LRBA: variants seen among roughly 807,000 people sequenced by gnomAD.
LRBA encodes lipopolysaccharide-responsive and beige-like anchor protein.
In LRBA, 176 loss-of-function variants were observed where a neutral mutation model predicts 330.0. The observed-to-expected ratio is 0.53, with a 90% confidence interval of 0.47 to 0.60. LRBA has a LOEUF of 0.60. LRBA is among the 20% of genes least tolerant of loss of function. LRBA has a pLI of 0.00. For synonymous variants in LRBA, 1,230 were observed against 1,193.0 expected (o/e 1.03, Z -0.64); for missense variants, 3,259 against 3,444.8 (o/e 0.95, Z 1.35).
At chr4:150,736,233 A>T (rs1391567305) in intron 35 of LRBA, among the ~76,000 whole-genome samples, 1 of 152,228 alleles carries the variant, frequency 6.6e-6, no homozygotes, top group Non-Finnish European at 1.5e-5. Flanking sequence ...CTAAAGGAAG[A>T]TAATATCATA....
chr4:150,525,645 A>C (rs1485681269), intron 40 of LRBA, among the ~76,000 whole-genome samples: 3 of 152,162 alleles, frequency 2.0e-5, no homozygotes, highest in African/African-American at 7.2e-5. Context: ...GGCTTGAAAA[A>C]CCAGCATCCA....
intron 2 of LRBA, among the ~76,000 whole-genome samples, chr4:150,963,964 G>C (rs1738543558): frequency 6.7e-6 from 1 of 148,286 alleles, no homozygotes; most frequent in Admixed American, 6.6e-5. Context: ...CCCCGTCTGG[G>C]AACTGAGGAG....
At chr4:150,966,854 G>T (rs1428461134) in intron 2 of LRBA, among the ~76,000 whole-genome samples, 1 of 152,136 alleles carries the variant, frequency 6.6e-6, no homozygotes, top group African/African-American at 2.4e-5. Flanking sequence ...AAAAAATAGG[G>T]CTGAAACAAG....
At chr4:150,991,484 A>G (rs1742077188) in intron 2 of LRBA, among the ~76,000 whole-genome samples, 1 of 152,270 alleles carries the variant, frequency 6.6e-6, no homozygotes, top group Non-Finnish European at 1.5e-5. Context: ...AAATTAAAAA[A>G]GAAACAAGCA....
intron 47 of LRBA, among the ~76,000 whole-genome samples, chr4:150,401,756 C>T (rs2151928839): frequency 6.6e-6 from 1 of 152,038 alleles, no homozygotes; most frequent in South Asian, 2.1e-4. Context: ...GAAAATATCC[C>T]TATTCTTAGG....
chr4:150,975,592 A>T (rs1740073591), intron 2 of LRBA, among the ~76,000 whole-genome samples: 1 of 151,974 alleles, frequency 6.6e-6, no homozygotes, highest in Non-Finnish European at 1.5e-5. Context: ...AAATGAAATG[A>T]ATGGAAAGAC....
At chr4:150,391,590 C>T (rs1341227343) in intron 47 of LRBA, among the ~76,000 whole-genome samples, 2 of 152,088 alleles carry the variant, frequency 1.3e-5, no homozygotes, top group African/African-American at 2.4e-5. Flanking sequence ...TTAGGCCAGA[C>T]ACTATGTCAT....
Position 150,487,824 on chromosome 4 carries a change from C to T in LRBA, c.6459G>A (p.Met2153Ile), listed in dbSNP as rs1031938962. 9 of 1,581,976 alleles carry T rather than the reference C, an allele frequency of 5.7e-6. No homozygotes were observed. The African/African-American group carries it at 8.1e-5, about 14-fold the overall frequency. The change falls in exon 42 of 57, where the codon ATG becomes ATA. Residue 2153 changes from methionine to isoleucine, a missense_variant. Met to Ile is a conservative substitution (Grantham distance 10). Transcript: ENST00000651943. ...CTGTTGCAGGGTCTGGGAAGTTGAACATCACAGCAACTACAACAGATGATT... is the reference window on the plus strand; with the variant it reads ...CTGTTGCAGGGTCTGGGAAGTTGAATATCACAGCAACTACAACAGATGATT... ...EIFMANRVAV[M>I]FNFPDPATVK...
chr4:151,015,378 G>C, upstream of LRBA: 1 of 153,246 alleles, frequency 6.5e-6, no homozygotes, highest in Non-Finnish European at 1.5e-5. Flanking sequence ...GGAAGGGGTG[G>C]GGAGGTGTGT....
chr4:150,271,236 G>A (rs1746045600), intron 56 of LRBA, among the ~76,000 whole-genome samples: 1 of 151,970 alleles, frequency 6.6e-6, no homozygotes, highest in Non-Finnish European at 1.5e-5. Flanking sequence ...TCCCTTGGGT[G>A]CCTACACCAC....
chr4:150,910,706 T>C (rs1396977559), intron 9 of LRBA, among the ~76,000 whole-genome samples: 1 of 152,172 alleles, frequency 6.6e-6, no homozygotes, highest in African/African-American at 2.4e-5. Context: ...ATGCAAAAAA[T>C]GCCATTGGGA....
chr4:150,949,049 C>T (rs545148429), intron 2 of LRBA, among the ~76,000 whole-genome samples: 1 of 150,514 alleles, frequency 6.6e-6, no homozygotes, highest in African/African-American at 2.4e-5. Flanking sequence ...AAAAAAAAAA[C>T]TAAATATGCA....
intron 44 of LRBA, among the ~76,000 whole-genome samples, chr4:150,459,250 A>C (rs1754464043): frequency 1.3e-5 from 2 of 151,782 alleles, no homozygotes. Context: ...CTTTACCTTA[A>C]ACCCTCCTTC....
intron 40 of LRBA, among the ~76,000 whole-genome samples, chr4:150,556,133 T>C (rs1035121103): frequency 2.0e-5 from 3 of 151,822 alleles, no homozygotes; most frequent in African/African-American, 7.3e-5. Flanking sequence ...GCAAAATATA[T>C]AAAAAATAAA....
At chr4:150,662,054 G>C (rs1387356909) in intron 37 of LRBA, among the ~76,000 whole-genome samples, 1 of 152,032 alleles carries the variant, frequency 6.6e-6, no homozygotes, top group Non-Finnish European at 1.5e-5. Context: ...TTTGTATACA[G>C]CATTTTAAGT....
At position 150,848,926 on chromosome 4, in the gene LRBA, T is replaced by C. The variant is rs953278509; in HGVS notation, c.4231A>G (p.Ile1411Val). 1.9e-6 allele frequency: 3 copies of C among 1,612,880 alleles called. No individual in the cohort carries two copies. Among genetic ancestry groups the C allele is most frequent in the Non-Finnish European group, 2.5e-6 (3 of 1,179,282 alleles). ...EASVTFLQRL[I>V]SLVDVLIFAS... The stretch of plus-strand genomic sequence containing the variant: ...AATATAAGCACATCCACAAGGCTAA[T>C]TAGCCTCTGCAAAAATGTCACAGAG... Residue 1411 changes from isoleucine (I) to valine (V), a missense_variant, in exon 26 of 57, where the codon ATT (isoleucine) becomes GTT (valine). Transcript: ENST00000651943.
intron 2 of LRBA, among the ~76,000 whole-genome samples, chr4:150,988,648 G>A (rs372308284): frequency 1.1e-4 from 16 of 151,782 alleles, no homozygotes; most frequent in African/African-American, 3.6e-4. Flanking sequence ...GTGCAATCTC[G>A]GCTCACTGCA....
intron 40 of LRBA, among the ~76,000 whole-genome samples, chr4:150,549,749 G>A (rs1766348316): frequency 6.6e-6 from 1 of 152,152 alleles, no homozygotes; most frequent in Non-Finnish European, 1.5e-5. Context: ...TAACAACCTT[G>A]GAGGGAACCT....
intron 48 of LRBA, among the ~76,000 whole-genome samples, chr4:150,340,579 C>T (rs931106013): frequency 1.3e-5 from 2 of 152,170 alleles, no homozygotes; most frequent in Non-Finnish European, 1.5e-5. Flanking sequence ...AAGCGATCCT[C>T]CCACCTTGGC....
Sources: gnomAD v4.1 joint callset for allele counts (sites outside exome capture counted in the v4.1 genomes callset) on GRCh38, gnomAD v4.1.1 for gene constraint, MANE v1.5 for transcripts, NCBI Gene and HGNC (gene_info 2026-07-23, HGNC 2026-07-21) for gene names.